RORA: variants seen among roughly 807,000 people sequenced by gnomAD.
RORA encodes the protein nuclear receptor ROR-alpha.
In RORA, 7 loss-of-function variants were observed where a neutral mutation model predicts 69.5. The observed-to-expected ratio is 0.10, with a 90% confidence interval of 0.06 to 0.19. The LOEUF is 0.19. Among genes scored for constraint, RORA ranks in the 10% least tolerant of loss-of-function variants. The pLI is 1.00. For missense variants in RORA, 457 were observed against 663.0 expected (o/e 0.69, Z 3.41); for synonymous variants, 261 against 240.8 (o/e 1.08, Z -0.78).
At chr15:60,980,874 C>T (rs984887707) in intron 1 of RORA, among the ~76,000 whole-genome samples, 3 of 151,880 alleles carry the variant, frequency 2.0e-5, no homozygotes, top group South Asian at 2.1e-4. Context: ...TTGATCACAA[C>T]TCTAATCTTT....
At chr15:60,507,511 A>G (rs138923109) in intron 5 of RORA, among the ~76,000 whole-genome samples, 1 of 152,234 alleles carries the variant, frequency 6.6e-6, no homozygotes, top group African/African-American at 2.4e-5. Flanking sequence ...CATAAAAAAT[A>G]AAACACAAAT....
intron 2 of RORA, chr15:60,677,071 C>T: frequency 2.3e-6 from 1 of 429,038 alleles, no homozygotes; most frequent in Non-Finnish European, 4.8e-6. Context: ...CCCCAAACCA[C>T]CATAAACAGT....
chr15:60,734,274 T>A (rs2071469485), intron 1 of RORA, among the ~76,000 whole-genome samples: 1 of 152,222 alleles, frequency 6.6e-6, no homozygotes, highest in Non-Finnish European at 1.5e-5. Context: ...CCAGTCCTAC[T>A]GAATCAGAAA....
chr15:60,861,681 T>C (rs2073437113), intron 1 of RORA, among the ~76,000 whole-genome samples: 1 of 152,294 alleles, frequency 6.6e-6, no homozygotes, highest in South Asian at 2.1e-4. Context: ...GCATAATAAA[T>C]ACTCTTTAAA....
chr15:60,871,932 T>C (rs577687317), intron 1 of RORA, among the ~76,000 whole-genome samples: 3 of 152,336 alleles, frequency 2.0e-5, no homozygotes, highest in South Asian at 2.1e-4. Context: ...GATGTTAACG[T>C]TGGGAGACAC....
chr15:60,959,201 A>G (rs1276233507), intron 1 of RORA, among the ~76,000 whole-genome samples: 2 of 152,218 alleles, frequency 1.3e-5, no homozygotes, highest in African/African-American at 4.8e-5. Context: ...TTTTATGTCT[A>G]CTGGACAGAG....
At chr15:60,592,139 C>T (rs1028295483) in intron 2 of RORA, among the ~76,000 whole-genome samples, 12 of 151,946 alleles carry the variant, frequency 7.9e-5, no homozygotes, top group African/African-American at 2.9e-4. Context: ...CTGACAGGAG[C>T]CGGAGGGGGC....
At chr15:61,043,272 T>C (rs1419258709) in intron 1 of RORA, among the ~76,000 whole-genome samples, 1 of 152,172 alleles carries the variant, frequency 6.6e-6, no homozygotes, top group Non-Finnish European at 1.5e-5. Context: ...GACATTCAAA[T>C]GCACAAGTCA....
At chr15:60,984,070 C>T (rs1894123259) in intron 1 of RORA, among the ~76,000 whole-genome samples, 1 of 146,224 alleles carries the variant, frequency 6.8e-6, no homozygotes, top group Non-Finnish European at 1.5e-5. Flanking sequence ...GGGGATAATA[C>T]CAAAAACTGT....
rs2069069443 is a variant in RORA, at chr15:60,610,871, A to G, written c.196+67786T>C. On this transcript the variant is annotated intron_variant, in intron 2 of 10. Coordinates refer to ENST00000335670, the MANE Select transcript of RORA (RefSeq NM_134261.3). ...TGTGGATAAATTGCATTGTGGAGATAAAATATAGAGACTTTAGAAAATGAT... is the reference window on the plus strand; with the variant it reads ...TGTGGATAAATTGCATTGTGGAGATGAAATATAGAGACTTTAGAAAATGAT... Among the ~76,000 whole-genome samples, 4 of 152,242 alleles carry G rather than the reference A, an allele frequency of 2.6e-5. No homozygotes were observed. In the South Asian group the frequency reaches 8.3e-4, roughly 31 times the overall value.
chr15:60,511,185 G>T lies in RORA; in HGVS notation c.820+41C>A, dbSNP rs1231650526. ...AGACATACCCCTTTTACTTCAAAGG[G>T]CATGAATAGAGCATCCCAGGAGAAG... On this transcript the variant is annotated intron_variant, in intron 5 of 10. Transcript: ENST00000335670. The surrounding 1 kb of genome is among the most constrained non-coding windows in gnomAD (Gnocchi z 6.4). 2 of 1,575,128 alleles carry T rather than the reference G, an allele frequency of 1.3e-6. No individual in the cohort carries two copies. Among genetic ancestry groups the T allele is most frequent in the Non-Finnish European group, 1.7e-6 (2 of 1,159,418 alleles).
rs554392509 is a variant in RORA at position 60,804,432 on chromosome 15, C to T, written c.167-125746G>A. 3.3e-5 allele frequency among the ~76,000 whole-genome samples: 5 copies of T among 152,126 alleles called. No individual in the cohort carries two copies. In the East Asian group the frequency reaches 9.7e-4, roughly 29 times the overall value. Reference sequence around the variant, plus strand: ...GCCCACACGAATCCTCTTCATTTGACAAATTAGGAAACTGAGGCTCAGGGA... The same window carrying T: ...GCCCACACGAATCCTCTTCATTTGATAAATTAGGAAACTGAGGCTCAGGGA... On this transcript the variant is annotated intron_variant, in intron 1 of 10. Transcript: ENST00000335670.
intron 2 of RORA, among the ~76,000 whole-genome samples, chr15:60,549,920 G>C (rs2067182777): frequency 6.6e-6 from 1 of 152,178 alleles, no homozygotes; most frequent in Non-Finnish European, 1.5e-5. Flanking sequence ...CTCATTTTAT[G>C]AAACGAAAGT....
chr15:61,198,118 AAAC>A (rs774095340), intron 1 of RORA, among the ~76,000 whole-genome samples: 18 of 152,200 alleles, frequency 1.2e-4, no homozygotes, highest in Non-Finnish European at 2.5e-4. Flanking sequence ...AGGGGATCCC[AAAC>A]AACTCAGCCA....
chr15:60,649,231 T>G (rs2070104189), intron 2 of RORA, among the ~76,000 whole-genome samples: 2 of 148,248 alleles, frequency 1.3e-5, no homozygotes, highest in South Asian at 4.3e-4. Flanking sequence ...TGGTTTCCAG[T>G]TGCTTCCAGG....
At chr15:60,943,927 A>AAAAAAAAAAAAAAAAAAAG (rs1892783762) in intron 1 of RORA, among the ~76,000 whole-genome samples, 1 of 148,490 alleles carries the variant, frequency 6.7e-6, no homozygotes. Context: ...AAAAAAAAAA[A>AAAAAAAAAAAAAAAAAAAG]AAAAAAAAAA....
At chr15:60,520,328 G>A (rs2066121453) in intron 3 of RORA, 1 of 152,116 alleles carries the variant, frequency 6.6e-6, no homozygotes, top group African/African-American at 2.4e-5. Context: ...GACGAATACT[G>A]AACTTTGCAT....
intron 1 of RORA, among the ~76,000 whole-genome samples, chr15:61,129,865 C>A (rs1485528288): frequency 6.6e-6 from 1 of 152,192 alleles, no homozygotes; most frequent in African/African-American, 2.4e-5. Flanking sequence ...TCCCCACTTT[C>A]CCCCACCTTT....
chr15:60,668,396 C>G (rs985613353), intron 2 of RORA, among the ~76,000 whole-genome samples: 4 of 152,138 alleles, frequency 2.6e-5, no homozygotes, highest in African/African-American at 9.7e-5. Context: ...CAAGGACAAC[C>G]AGGAAAAGAG....
Sources: gnomAD v4.1 joint callset for allele counts (sites outside exome capture counted in the v4.1 genomes callset) on GRCh38, gnomAD v4.1.1 for gene constraint, Gnocchi (gnomAD v3.1) non-coding constraint, MANE v1.5 for transcripts, NCBI Gene and HGNC (gene_info 2026-07-23, HGNC 2026-07-21) for gene names.